Variants in SOD2 observed in about 807,000 individuals in gnomAD.
The protein encoded by SOD2 is superoxide dismutase [Mn], mitochondrial.
SOD2 carries 11 observed loss-of-function variants against 27.0 expected under a neutral mutation model. The ratio of observed to expected loss-of-function variants is 0.41; its 90% CI spans 0.26 to 0.67. The LOEUF (loss-of-function observed/expected upper bound fraction) is 0.67, where lower values mean the gene tolerates loss of function less well. SOD2 is among the 30% of genes least tolerant of loss of function. The pLI, the probability that SOD2 is intolerant of heterozygous loss-of-function variation, is 0.34. For synonymous variants in SOD2, 105 were observed against 103.0 expected (o/e 1.02, Z -0.12); for missense variants, 250 against 274.5 (o/e 0.91, Z 0.63).
At chr6:159,739,081 A>G (rs367895455) in intron 1 of SOD2, 13 of 1,514,022 alleles carry the variant, frequency 8.6e-6, no homozygotes, top group African/African-American at 6.9e-5. Context: ...AAGTCTTTCT[A>G]TAGAACATTA....
rs1779748140 is a variant in SOD2, at chr6:159,675,116, G to C, written c.*7377C>G. The stretch of plus-strand genomic sequence containing the variant: ...TAAAAGAGGACACAAACAAATGGAA[G>C]AACATTCCATGCTCATGGATAGGAA... On this transcript the variant is annotated 3_prime_UTR_variant, in exon 5 of 5. Transcript: ENST00000538183. 6.6e-6 allele frequency: 1 copy of C among 152,076 alleles called. No homozygotes were observed. The highest frequency in any genetic ancestry group is 6.6e-5 in the Admixed American group (1 of 15,264). 9.4% of individuals were successfully genotyped at this position (152,076 alleles called of 1,614,324 possible). A position where few individuals can be genotyped will look rare whatever the true frequency, so the allele number is the denominator to read the frequency against.
upstream of SOD2, among the ~76,000 whole-genome samples, chr6:159,727,867 G>T (rs1778302072): frequency 6.6e-6 from 1 of 152,232 alleles, no homozygotes; most frequent in African/African-American, 2.4e-5. Flanking sequence ...CCCGCCTGCG[G>T]GGAACACTTC....
At chr6:159,714,357 T>A (rs1777886586) in intron 1 of SOD2, among the ~76,000 whole-genome samples, 1 of 152,180 alleles carries the variant, frequency 6.6e-6, no homozygotes, top group South Asian at 2.1e-4. Flanking sequence ...ACATATTACA[T>A]ACGGATTCTT....
intron 1 of SOD2, among the ~76,000 whole-genome samples, chr6:159,707,628 G>A (rs1243077543): frequency 1.3e-5 from 2 of 152,122 alleles, no homozygotes; most frequent in Non-Finnish European, 2.9e-5. Flanking sequence ...ATAATTAATA[G>A]CTTACCAACC....
intron 1 of SOD2, among the ~76,000 whole-genome samples, chr6:159,757,209 G>A (rs185560319): frequency 3.0e-4 from 45 of 152,230 alleles, no homozygotes; most frequent in Non-Finnish European, 1.5e-4. Context: ...TTCCATTTCT[G>A]TTAAAAGCAA....
rs554245218 is a variant in SOD2, at chr6:159,725,170, A to G, written c.-116+1959T>C. Among the ~76,000 whole-genome samples the G allele has an allele frequency of 4.6e-5, 7 of 152,278 alleles. No individual in the cohort carries two copies. The South Asian group carries it at 8.3e-4, about 18-fold the overall frequency. ...ACTATCACAACACAGATACACTACT[A>G]GAGTACTGTGTTCAAAAGCTCAGAG... On this transcript the variant is annotated intron_variant, in intron 1 of 2. Transcript: ENST00000401980.
In SOD2 at chr6:159,679,591, G is replaced by A. The variant is rs1411020091; in HGVS notation, c.*2902C>T. The A allele has an allele frequency of 6.6e-6, 1 of 152,218 alleles. No individual in the cohort carries two copies. Among genetic ancestry groups the A allele is most frequent in the African/African-American group, 2.4e-5 (1 of 41,456 alleles). The allele number at this position is 152,218 out of a possible 1,614,324, so 9.4% of individuals were successfully genotyped here. ...TTATTACAAAATAGTTCAAGCAACA[G>A]ATAGAATTTCAAAAACAGTATTTGC... On this transcript the variant is annotated 3_prime_UTR_variant, in exon 5 of 5. Transcript: ENST00000538183.
upstream of SOD2, among the ~76,000 whole-genome samples, chr6:159,747,550 A>T (rs1030110643): frequency 1.3e-5 from 2 of 152,072 alleles, no homozygotes; most frequent in African/African-American, 4.8e-5. Context: ...TGTAACAGCA[A>T]CTCTTGTAGC....
intron 1 of SOD2, chr6:159,741,691 G>A (rs1779264972): frequency 5.9e-6 from 1 of 169,024 alleles, no homozygotes; most frequent in Non-Finnish European, 1.3e-5. Flanking sequence ...TTTATGATCA[G>A]TTAAACTAGA....
chr6:159,712,861 C>T lies in SOD2; in HGVS notation c.-116+14268G>A, dbSNP rs909608485. On this transcript the variant is annotated intron_variant, in intron 1 of 2. Coordinates refer to the SOD2 transcript ENST00000401980. ...CCACCACTTGCCCCTGCTGTAGATT[C>T]AAGAAAAGTTCTACATAGGTGTGTT... 8 of 624,134 alleles carry T rather than the reference C, an allele frequency of 1.3e-5. No homozygotes were observed. The East Asian group carries it at 2.8e-4, about 22-fold the overall frequency. The allele number at this position is 624,134 out of a possible 1,614,324, so 38.7% of individuals were successfully genotyped here.
At chr6:159,688,531 G>A (rs927080150) in intron 2 of SOD2, among the ~76,000 whole-genome samples, 3 of 152,006 alleles carry the variant, frequency 2.0e-5, no homozygotes, top group Admixed American at 1.3e-4. Flanking sequence ...ACACCAAAGA[G>A]GACAATCAAA....
chr6:159,697,077 A>ACACACCCC (rs974599812), upstream of SOD2, among the ~76,000 whole-genome samples: 1 of 149,528 alleles, frequency 6.7e-6, no homozygotes, highest in African/African-American at 2.5e-5. Flanking sequence ...ACACACACAC[A>ACACACCCC]CACGCAGTCA....
chr6:159,747,742 G>A (rs1779658522), upstream of SOD2, among the ~76,000 whole-genome samples: 1 of 152,034 alleles, frequency 6.6e-6, no homozygotes, highest in South Asian at 2.1e-4. Context: ...TTTTTCCACT[G>A]GGTTGTCAGC....
chr6:159,712,542 A>C lies in SOD2; in HGVS notation c.-116+14587T>G, dbSNP rs71191609. On this transcript the variant is annotated intron_variant, in intron 1 of 2. Coordinates refer to the SOD2 transcript ENST00000401980. ...CACCACTCACACTGCTCTGATCACC[A>C]TAACCACCTCCATAACCACCACTCA... Among the ~76,000 whole-genome samples, 423 of 115,108 alleles carry C rather than the reference A, an allele frequency of 3.7e-3. 2 individuals are homozygous for C. The highest frequency in any genetic ancestry group is 7.1e-3 in the East Asian group (26 of 3,664). The allele number at this position is 115,108 out of a possible 152,430, so 75.5% of individuals were successfully genotyped here. A position where few individuals can be genotyped will look rare whatever the true frequency, so the allele number is the denominator to read the frequency against.
intron 2 of SOD2, chr6:159,691,868 G>A (rs1777216074): frequency 6.6e-6 from 1 of 152,204 alleles, no homozygotes. Flanking sequence ...ATCAAGAAAA[G>A]TATCAAGTCT....
intron 1 of SOD2, chr6:159,712,770 C>G (rs1281053434): frequency 2.0e-6 from 1 of 494,558 alleles, no homozygotes. Context: ...CCACAACCAC[C>G]ACTCAGCTGC....
At chr6:159,690,025 T>G (rs1348477619) in intron 2 of SOD2, among the ~76,000 whole-genome samples, 1 of 151,790 alleles carries the variant, frequency 6.6e-6, no homozygotes, top group Non-Finnish European at 1.5e-5. Flanking sequence ...GGCTCACGCC[T>G]GTAATCCCAG....
intron 1 of SOD2, among the ~76,000 whole-genome samples, chr6:159,724,393 TAC>T (rs1325570232): frequency 6.6e-6 from 1 of 152,226 alleles, no homozygotes; most frequent in African/African-American, 2.4e-5. Context: ...CCATATACAG[TAC>T]AGAGTTTTAA....
intron 1 of SOD2, chr6:159,739,092 T>C (rs1465159200): frequency 3.5e-6 from 5 of 1,427,478 alleles, no homozygotes; most frequent in South Asian, 1.2e-5. Flanking sequence ...TAGAACATTA[T>C]ATTGTGACTC....
Sources: allele counts gnomAD v4.1 joint callset (sites outside exome capture counted in the v4.1 genomes callset), GRCh38; gene constraint gnomAD v4.1.1; transcripts MANE v1.5; gene names NCBI Gene and HGNC (gene_info 2026-07-23, HGNC 2026-07-21).